Variants in PTPN2 observed in about 807,000 individuals in gnomAD.
PTPN2 encodes the protein protein tyrosine phosphatase non-receptor type 2.
PTPN2 carries 19 observed loss-of-function variants against 57.3 expected under a neutral mutation model. That is an observed-to-expected ratio of 0.33 (90% confidence interval 0.23 to 0.49). The LOEUF (loss-of-function observed/expected upper bound fraction) is 0.49, where lower values mean the gene tolerates loss of function less well. Ranked by LOEUF, PTPN2 falls within the 20% of genes least tolerant of loss-of-function variation. The pLI is 0.99. For missense variants in PTPN2, 358 were observed against 501.1 expected (o/e 0.71, Z 2.73); for synonymous variants, 153 against 164.9 (o/e 0.93, Z 0.55).
chr18:12,856,898 A>T (rs1050334062), intron 2 of PTPN2, among the ~76,000 whole-genome samples: 2 of 151,734 alleles, frequency 1.3e-5, no homozygotes, highest in East Asian at 3.9e-4. Flanking sequence ...CATCTCTACT[A>T]AAAATACAAA....
intron 4 of PTPN2, among the ~76,000 whole-genome samples, chr18:12,827,422 C>G (rs2042514616): frequency 6.8e-6 from 1 of 147,682 alleles, no homozygotes; most frequent in Admixed American, 6.7e-5. Context: ...GAGACAGTGT[C>G]TTGCTCTGTA....
At chr18:12,882,696 C>A (rs999706790) in intron 1 of PTPN2, among the ~76,000 whole-genome samples, 4 of 152,166 alleles carry the variant, frequency 2.6e-5, no homozygotes, top group African/African-American at 9.7e-5. Context: ...AAACTTAGAT[C>A]CCTATTCTAA....
intron 2 of PTPN2, among the ~76,000 whole-genome samples, chr18:12,858,757 C>T (rs1292489075): frequency 6.6e-6 from 1 of 152,054 alleles, no homozygotes; most frequent in East Asian, 1.9e-4. Flanking sequence ...CGAGTACATA[C>T]TACTCTTATA....
rs142374238 is a variant in PTPN2 at position 12,840,306 on chromosome 18, T to G, written c.161-3415A>C. ...AGTAAAATAGTCGAACAACAAATAT[T>G]ATGCATTCTCTCTCATAAATCGAGC... is the stretch of plus-strand genomic sequence containing the variant. On this transcript the variant is annotated intron_variant, in intron 2 of 8. Transcript: ENST00000309660. Among the ~76,000 whole-genome samples, 308 of 152,308 alleles carry G rather than the reference T, an allele frequency of 2.0e-3. 2 individuals are homozygous for G. Among genetic ancestry groups the G allele is most frequent in the Middle Eastern group, 6.8e-3 (2 of 294 alleles).
At chr18:12,829,504 CAAAAAA>C (rs541731696) in intron 4 of PTPN2, among the ~76,000 whole-genome samples, 2 of 89,122 alleles carry the variant, frequency 2.2e-5, no homozygotes, top group Admixed American at 1.1e-4. Flanking sequence ...ACTCTGTCTC[CAAAAAA>C]AAAAAAAAAA....
At chr18:12,855,495 G>A (rs527317870) in intron 2 of PTPN2, among the ~76,000 whole-genome samples, 26 of 152,242 alleles carry the variant, frequency 1.7e-4, no homozygotes, top group Non-Finnish European at 3.4e-4. Flanking sequence ...GAAGGATAGG[G>A]GCAAAAGAAA....
intron 1 of PTPN2, among the ~76,000 whole-genome samples, chr18:12,859,859 T>C (rs922078522): frequency 2.6e-5 from 4 of 152,198 alleles, no homozygotes; most frequent in Non-Finnish European, 4.4e-5. Context: ...GAGCCATAAA[T>C]GTTCAGCAAC....
intron 7 of PTPN2, among the ~76,000 whole-genome samples, chr18:12,806,399 A>G (rs1224060980): frequency 1.3e-5 from 2 of 152,194 alleles, no homozygotes; most frequent in Admixed American, 1.3e-4. Context: ...TACAGATTCA[A>G]TGCAATTCAA....
chr18:12,847,637 G>C (rs915925876), intron 2 of PTPN2, among the ~76,000 whole-genome samples: 1 of 143,082 alleles, frequency 7.0e-6, no homozygotes, highest in African/African-American at 2.6e-5. Context: ...TTTTTTTTGA[G>C]AGGGAGTTTT....
intron 8 of PTPN2, among the ~76,000 whole-genome samples, chr18:12,799,605 A>G (rs9951525): frequency 0.07 from 10,497 of 149,602 alleles, 583 homozygotes; most frequent in East Asian, 0.14. Context: ...TTTTTTTGAG[A>G]TAAGAGTCTT....
At position 12,814,733 on chromosome 18, in the gene PTPN2, C is replaced by T. The variant is rs554877376; in HGVS notation, c.706-378G>A. ...CAGGAGTCAACCTTTCTGCTCATTC[C>T]CCTTCCGCCTCCTTCATGTCTGCAC... On this transcript the variant is annotated intron_variant, in intron 6 of 8. Coordinates refer to ENST00000309660, the MANE Select transcript of PTPN2 (RefSeq NM_002828.4). Among the ~76,000 whole-genome samples, 9 of 151,970 alleles carry T rather than the reference C, an allele frequency of 5.9e-5. No individual in the cohort carries two copies. In the South Asian group the frequency reaches 1.9e-3, roughly 32 times the overall value.
At chr18:12,824,932 A>G (rs1353770887) in intron 5 of PTPN2, among the ~76,000 whole-genome samples, 1 of 152,106 alleles carries the variant, frequency 6.6e-6, no homozygotes. Flanking sequence ...TTAAAAAAAA[A>G]TAAGAAAATT....
chr18:12,884,150 G>A lies in PTPN2; in HGVS notation c.-9C>T, dbSNP rs374335430. On this transcript the variant is annotated 5_prime_UTR_variant, in exon 1 of 9. Transcript: ENST00000309660. ...TCGATGGTGGTGGGCATGGCTGCGGGAGCGAGCTGGCGCGAGCAGAGCCTG... is the reference window on the plus strand; with the variant it reads ...TCGATGGTGGTGGGCATGGCTGCGGAAGCGAGCTGGCGCGAGCAGAGCCTG... The A allele has an allele frequency of 7.4e-5, 116 of 1,578,124 alleles. No homozygotes were observed. The African/African-American group carries it at 1.5e-3, about 20-fold the overall frequency.
At position 12,794,302 on chromosome 18, in the gene PTPN2, CA is replaced by C; in HGVS notation, c.1223del (p.Leu408ArgfsTer20). 6.2e-7 allele frequency: 1 copy of C among 1,614,176 alleles called. No individual in the cohort carries two copies. Among genetic ancestry groups the C allele is most frequent in the Non-Finnish European group, 8.5e-7 (1 of 1,179,996 alleles). On this transcript the variant is annotated frameshift_variant, in exon 9 of 9. Coordinates refer to ENST00000309660, the MANE Select transcript of PTPN2 (RefSeq NM_002828.4). LOFTEE classifies it high-confidence loss of function. Reference protein sequence around the residue: ...ILVGAFVGWTLFFQQNAL With the variant: ...ILVGAFVGWTXFFQQNAL ...TTTATAGGGCATTTTGCTGAAAAAACAGTGTCCAGCCAACAAAAGCGCCAAC... is the reference window on the plus strand; with the variant it reads ...TTTATAGGGCATTTTGCTGAAAAAACGTGTCCAGCCAACAAAAGCGCCAAC...
At chr18:12,825,397 TTC>T (rs2042415236) in intron 5 of PTPN2, among the ~76,000 whole-genome samples, 9 of 152,184 alleles carry the variant, frequency 5.9e-5, no homozygotes, top group Non-Finnish European at 1.2e-4. Flanking sequence ...TCATTTGACC[TTC>T]AGGACAGCCC....
chr18:12,814,977 T>C (rs2042016740), intron 6 of PTPN2, among the ~76,000 whole-genome samples: 1 of 151,806 alleles, frequency 6.6e-6, no homozygotes, highest in Non-Finnish European at 1.5e-5. Flanking sequence ...CCAGCTACAT[T>C]GGAGGCTGAG....
chr18:12,837,362 C>T (rs1237343699), intron 2 of PTPN2, among the ~76,000 whole-genome samples: 1 of 152,068 alleles, frequency 6.6e-6, no homozygotes, highest in East Asian at 1.9e-4. Flanking sequence ...AATTTTAGCA[C>T]TGAACTGTGT....
downstream of PTPN2, among the ~76,000 whole-genome samples, chr18:12,791,373 T>TGACTCTTAAA (rs2040980196): frequency 6.6e-6 from 1 of 152,218 alleles, no homozygotes; most frequent in African/African-American, 2.4e-5. Context: ...TCAAAGTATA[T>TGACTCTTAAA]ATCTGACTCT....
At chr18:12,847,868 G>A (rs1467579384) in intron 2 of PTPN2, among the ~76,000 whole-genome samples, 3 of 150,072 alleles carry the variant, frequency 2.0e-5, no homozygotes, top group African/African-American at 7.4e-5. Flanking sequence ...TAAAGTGCTG[G>A]GATTACAGGC....
Sources: gnomAD v4.1 joint callset for allele counts (sites outside exome capture counted in the v4.1 genomes callset) on GRCh38, gnomAD v4.1.1 for gene constraint, MANE v1.5 for transcripts, NCBI Gene and HGNC (gene_info 2026-07-23, HGNC 2026-07-21) for gene names.